The following TOX2 variants were observed in gnomAD, a reference collection of about 807,000 sequenced individuals.
The protein encoded by TOX2 is TOX high mobility group box family member 2, also known as granulosa cell HMG box 1.
Under a neutral mutation model 47.4 loss-of-function variants are expected in TOX2, and 15 were observed. That is an observed-to-expected ratio of 0.32 (90% CI 0.21 to 0.49). The LOEUF (loss-of-function observed/expected upper bound fraction) is 0.49, where lower values mean the gene tolerates loss of function less well. Ranked by LOEUF, TOX2 falls within the 20% of genes least tolerant of loss-of-function variation. The probability of loss-of-function intolerance (pLI) is 0.99; values close to 1 mark genes in which losing one functional copy is unlikely to be tolerated. For synonymous variants in TOX2, 290 were observed against 296.6 expected, an observed-to-expected ratio of 0.98 and a Z score of 0.23; for missense variants, 622 against 673.1, an observed-to-expected ratio of 0.92 and a Z score of 0.84.
chr20:44,028,269 C>T (rs1200575499), intron 3 of TOX2, among the ~76,000 whole-genome samples: 2 of 151,864 alleles, frequency 1.3e-5, no homozygotes, highest in African/African-American at 2.4e-5. Context: ...AGGGGCTGCC[C>T]CATTCCCAGA....
At position 44,051,589 on chromosome 20, in the gene TOX2, G is replaced by A. The variant is rs200533597; in HGVS notation, c.651+44G>A. ...CAGAGCCTGAAGCTGCCCTCCTGTCGGCAGGGAAGGGGTCCTGTGGGGAAA... is the reference window on the plus strand; with the variant it reads ...CAGAGCCTGAAGCTGCCCTCCTGTCAGCAGGGAAGGGGTCCTGTGGGGAAA... On this transcript the variant is annotated intron_variant, in intron 4 of 8. Coordinates refer to ENST00000341197, the MANE Select transcript of TOX2 (RefSeq NM_001098797.2). The A allele has an allele frequency of 1.3e-4, 198 of 1,529,500 alleles. 1 individual carries two copies. The African/African-American group carries it at 1.6e-3, about 12-fold the overall frequency. 94.7% of individuals were successfully genotyped at this position (1,529,500 alleles called of 1,614,324 possible).
intron 1 of TOX2, among the ~76,000 whole-genome samples, chr20:43,927,625 C>CTTCCCTTCCCTTCCCCTTCCTTCCT (rs146262327): frequency 1.2e-5 from 1 of 81,344 alleles, no homozygotes; most frequent in African/African-American, 6.2e-5. Context: ...TCCTTCCTTC[C>CTTCCCTTCCCTTCCCCTTCCTTCCT]TCCTTCCTTC....
At chr20:43,996,081 G>T (rs918587846) in intron 2 of TOX2, among the ~76,000 whole-genome samples, 1 of 152,164 alleles carries the variant, frequency 6.6e-6, no homozygotes, top group African/African-American at 2.4e-5. Flanking sequence ...TTCTTTGAGT[G>T]ATTGCTATAT....
At chr20:43,964,417 TCTTTA>T in intron 1 of TOX2, among the ~76,000 whole-genome samples, 1 of 152,340 alleles carries the variant, frequency 6.6e-6, no homozygotes. Context: ...GCTGTCTCTC[TCTTTA>T]GAGCTGTGTT....
chr20:43,978,534 C>T (rs894374448), intron 2 of TOX2, among the ~76,000 whole-genome samples: 2 of 152,152 alleles, frequency 1.3e-5, no homozygotes, highest in African/African-American at 4.8e-5. Flanking sequence ...CTTCTGTTCA[C>T]CTCTTGCGCT....
intron 1 of TOX2, among the ~76,000 whole-genome samples, chr20:43,968,815 C>T (rs1600693226): frequency 6.6e-6 from 1 of 152,154 alleles, no homozygotes; most frequent in African/African-American, 2.4e-5. Flanking sequence ...AGGATGTTCT[C>T]CTGGCGTTCA....
At position 44,054,267 on chromosome 20, in the gene TOX2, C is replaced by T. The variant is rs758809703; in HGVS notation, c.652-32C>T. ...CCTTTGGCAGGAGGCCCTTGGGCTTCTTTGGTTTTCTGACTCTTCTCACTC... is the reference window on the plus strand; with the variant it reads ...CCTTTGGCAGGAGGCCCTTGGGCTTTTTTGGTTTTCTGACTCTTCTCACTC... On this transcript the variant is annotated intron_variant, in intron 4 of 8. Transcript: ENST00000341197. 4 of 1,575,952 alleles carry T rather than the reference C, an allele frequency of 2.5e-6. No individual in the cohort carries two copies. The East Asian group carries it at 9.5e-5, about 37-fold the overall frequency.
chr20:44,053,931 G>C (rs1163722093), intron 4 of TOX2, among the ~76,000 whole-genome samples: 1 of 152,186 alleles, frequency 6.6e-6, no homozygotes, highest in African/African-American at 2.4e-5. Flanking sequence ...GCAAATTTCT[G>C]TCCAGTAGAA....
chr20:43,947,999 C>T (rs1487116673), intron 1 of TOX2, among the ~76,000 whole-genome samples: 10 of 152,232 alleles, frequency 6.6e-5, no homozygotes, highest in African/African-American at 2.4e-4. Context: ...CTGTTCCTTA[C>T]TTGCTGTGTG....
At chr20:44,041,432 G>A (rs1336384056) in intron 3 of TOX2, among the ~76,000 whole-genome samples, 2 of 152,172 alleles carry the variant, frequency 1.3e-5, no homozygotes, top group Non-Finnish European at 2.9e-5. Context: ...TTTCACCGTG[G>A]GGAAGTTAGG....
chr20:44,050,346 AAAG>A (rs1445734848), intron 3 of TOX2, among the ~76,000 whole-genome samples: 4 of 152,262 alleles, frequency 2.6e-5, no homozygotes, highest in Non-Finnish European at 5.9e-5. Flanking sequence ...TTTGAGGAGA[AAAG>A]AAACAACCCA....
At chr20:43,962,006 G>A (rs1435202626) in intron 1 of TOX2, among the ~76,000 whole-genome samples, 1 of 152,184 alleles carries the variant, frequency 6.6e-6, no homozygotes, top group Non-Finnish European at 1.5e-5. Context: ...AAATGAAAAT[G>A]TTTGTTGAAA....
At chr20:44,010,897 C>A (rs1014045518) in intron 3 of TOX2, among the ~76,000 whole-genome samples, 2 of 152,188 alleles carry the variant, frequency 1.3e-5, no homozygotes, top group Non-Finnish European at 2.9e-5. Context: ...AGTCCAGAAG[C>A]AGTCTCCTTG....
rs756138400 is a variant in TOX2 at position 44,062,404 on chromosome 20, A to AAATAAATGAATG, written c.880-2370_880-2369insAAATGAATGAAT. Among the ~76,000 whole-genome samples the AAATAAATGAATG allele has an allele frequency of 2.3e-3, 339 of 145,106 alleles. 2 individuals carry two copies. The highest frequency in any genetic ancestry group is 7.6e-3 in the African/African-American group (304 of 40,242). ...TAAATAAATAAATAAATAAATAAAT[A>AAATAAATGAATG]AATGAATAAATAAAATACTTAGGAA... On this transcript the variant is annotated intron_variant, in intron 5 of 8. Coordinates refer to ENST00000341197, the MANE Select transcript of TOX2 (RefSeq NM_001098797.2).
chr20:44,054,166 C>G (rs1419663506), intron 4 of TOX2, 133 bp from the exon 5 acceptor site: 6 of 867,910 alleles, frequency 6.9e-6, no homozygotes, highest in African/African-American at 5.0e-5. Context: ...TCCATTGCCC[C>G]CTCCATCGCG....
chr20:43,918,839 A>G (rs1405892051), intron 1 of TOX2, among the ~76,000 whole-genome samples: 1 of 152,204 alleles, frequency 6.6e-6, no homozygotes, highest in African/African-American at 2.4e-5. Flanking sequence ...AAAATCATTT[A>G]ATATCTCTGA....
Position 43,914,963 on chromosome 20 carries a change from G to A in TOX2, c.72G>A (p.Ala24=). 1 of 1,254,378 alleles carries A rather than the reference G, an allele frequency of 8.0e-7. No homozygotes were observed. The highest frequency in any genetic ancestry group is 1.0e-6 in the Non-Finnish European group (1 of 998,760). 77.7% of individuals were successfully genotyped at this position (1,254,378 alleles called of 1,614,324 possible). ...CCGGGGCCGAGCCGGCCGGCCTGGC[G>A]CACCTGGACTATTACCACGGCGGCA... The part of the protein sequence containing the change: ...ARPGAEPAGL[A]HLDYYHGGKF... The change falls in exon 1 of 9, where the codon GCG becomes GCA. Residue 24 remains alanine, a synonymous_variant. Transcript: ENST00000341197. This position sits in a 1 kb window ranked among gnomAD's most constrained non-coding sequence, Gnocchi z 4.5.
chr20:43,966,733 GA>G (rs775471813), intron 1 of TOX2, among the ~76,000 whole-genome samples: 4 of 147,618 alleles, frequency 2.7e-5, no homozygotes, highest in Non-Finnish European at 5.9e-5. Context: ...CAGCCTGGGC[GA>G]CAGAGCAAAA....
intron 1 of TOX2, among the ~76,000 whole-genome samples, chr20:43,917,219 T>C (rs183264747): frequency 1.3e-5 from 2 of 152,248 alleles, no homozygotes; most frequent in Non-Finnish European, 2.9e-5. Context: ...TAGAGGTCTT[T>C]TGGTAAGGGA....
Sources: gnomAD v4.1 joint callset for allele counts (sites outside exome capture counted in the v4.1 genomes callset) on GRCh38, gnomAD v4.1.1 for gene constraint, Gnocchi (gnomAD v3.1) non-coding constraint, MANE v1.5 for transcripts, NCBI Gene and HGNC (gene_info 2026-07-23, HGNC 2026-07-21) for gene names.